Variants in CYFIP2 observed in about 807,000 individuals in gnomAD.
CYFIP2 encodes the protein cytoplasmic FMR1 interacting protein 2.
In CYFIP2, 29 loss-of-function variants were observed where a neutral mutation model predicts 158.7. The observed-to-expected ratio is 0.18, with a 90% CI of 0.14 to 0.25. CYFIP2 has a LOEUF of 0.25. Ranked by LOEUF, CYFIP2 falls within the 10% of genes least tolerant of loss-of-function variation. The pLI is 1.00. For synonymous variants in CYFIP2, 585 were observed against 617.6 expected (o/e 0.95, Z 0.78); for missense variants, 852 against 1,639.5 (o/e 0.52, Z 8.29).
At chr5:157,332,365 C>T (rs767662053) in intron 20 of CYFIP2, among the ~76,000 whole-genome samples, 4 of 152,222 alleles carry the variant, frequency 2.6e-5, no homozygotes, top group South Asian at 2.1e-4. Context: ...TTATACAGTG[C>T]GTATGTTTGT....
At chr5:157,304,175 G>A in intron 7 of CYFIP2, 63 bp from the exon 8 acceptor site, 2 of 1,554,046 alleles carry the variant, frequency 1.3e-6, no homozygotes, top group South Asian at 1.2e-5. Flanking sequence ...GGCTTCTGCA[G>A]GGGTGCAGGT....
At chr5:157,312,677 G>A (rs1475100790) in intron 11 of CYFIP2, among the ~76,000 whole-genome samples, 6 of 152,174 alleles carry the variant, frequency 3.9e-5, no homozygotes, top group East Asian at 3.9e-4. Flanking sequence ...ACAGAGCAAC[G>A]TACCTGAAAT....
At chr5:157,386,967 GTTCA>G (rs1766761609) in intron 28 of CYFIP2, among the ~76,000 whole-genome samples, 3 of 148,092 alleles carry the variant, frequency 2.0e-5, no homozygotes, top group Non-Finnish European at 4.5e-5. Flanking sequence ...CTTTAGAATT[GTTCA>G]TAATTGTGAG....
At chr5:157,328,197 G>T in intron 19 of CYFIP2, 148 bp downstream of exon 19, 1 of 724,890 alleles carries the variant, frequency 1.4e-6, no homozygotes, top group East Asian at 2.8e-5. Flanking sequence ...GAGATAGAGT[G>T]GAAAGGAAAC....
chr5:157,367,876 T>G (rs2113416042), intron 26 of CYFIP2, among the ~76,000 whole-genome samples: 1 of 151,042 alleles, frequency 6.6e-6, no homozygotes, highest in African/African-American at 2.4e-5. Flanking sequence ...TGCCTCAGCC[T>G]CCTAAGTAGC....
intron 1 of CYFIP2, among the ~76,000 whole-genome samples, chr5:157,278,202 A>G (rs1239415222): frequency 6.6e-6 from 1 of 151,938 alleles, no homozygotes; most frequent in Non-Finnish European, 1.5e-5. Flanking sequence ...ACATATGTGT[A>G]TATATATGTA....
At chr5:157,309,539 G>A (rs1331415514) in intron 9 of CYFIP2, among the ~76,000 whole-genome samples, 1 of 152,182 alleles carries the variant, frequency 6.6e-6, no homozygotes. Flanking sequence ...AGAACATAGA[G>A]TTGGTTGGAG....
chr5:157,279,516 C>T lies in CYFIP2; in HGVS notation c.-23-5823C>T, dbSNP rs146173957. Among the ~76,000 whole-genome samples, 1,268 of 152,354 alleles carry T rather than the reference C, an allele frequency of 8.3e-3. 22 individuals carry two copies. The highest frequency in any genetic ancestry group is 0.028 in the African/African-American group (1,184 of 41,574). On this transcript the variant is annotated intron_variant, in intron 1 of 30. Coordinates refer to ENST00000620254, the MANE Select transcript of CYFIP2 (RefSeq NM_001037333.3). ...CCCTGCATTTATGGGACCCACCCCC[C>T]TCTTGCTTGGGGTCTGTCAGTCATG...
chr5:157,389,073 G>T, intron 28 of CYFIP2, 116 bp from the exon 29 acceptor site: 1 of 987,136 alleles, frequency 1.0e-6, no homozygotes. Flanking sequence ...AACAAGACCA[G>T]TTCTGGTGAA....
At position 157,390,000 on chromosome 5, in the gene CYFIP2, G is replaced by A. The variant is rs1767111270; in HGVS notation, c.3447-521G>A. Among the ~76,000 whole-genome samples the A allele has an allele frequency of 2.0e-5, 3 of 152,158 alleles. No individual in the cohort carries two copies. In the South Asian group the frequency reaches 6.2e-4, roughly 32 times the overall value. On this transcript the variant is annotated intron_variant, in intron 29 of 30. Transcript: ENST00000620254. ...AGGTCTCTTGAGAGTTGGGGGCCAG[G>A]CCTCTTGAGAGTTGGAGCTTTGTCA...
At chr5:157,376,912 A>G (rs1202480910) in intron 26 of CYFIP2, 3 of 455,396 alleles carry the variant, frequency 6.6e-6, no homozygotes, top group Non-Finnish European at 1.3e-5. Context: ...TCAGAAATTT[A>G]CCTTGCCTGA....
chr5:157,273,231 G>C (rs1479598459), intron 1 of CYFIP2, among the ~76,000 whole-genome samples: 1 of 152,080 alleles, frequency 6.6e-6, no homozygotes, highest in Non-Finnish European at 1.5e-5. Context: ...GTCTTCTCAG[G>C]AAGTGCAGTG....
chr5:157,343,528 G>A (rs767226158), intron 23 of CYFIP2: 40 of 1,557,836 alleles, frequency 2.6e-5, no homozygotes, highest in Middle Eastern at 1.7e-4. Context: ...TCCCCACCTC[G>A]ATGTTCATCC....
chr5:157,307,356 T>C lies in CYFIP2; in HGVS notation c.796-405T>C, dbSNP rs544647756. On this transcript the variant is annotated intron_variant, in intron 8 of 30. Coordinates refer to ENST00000620254, the MANE Select transcript of CYFIP2 (RefSeq NM_001037333.3). ...CGGAAATATTGTCAACAGATCCTGT[T>C]CAGCTCCTGTCTCTGCTGCTTCGCT... Among the ~76,000 whole-genome samples, 113 of 152,316 alleles carry C rather than the reference T, an allele frequency of 7.4e-4. 3 individuals are homozygous for C. In the South Asian group the frequency reaches 0.023, roughly 30 times the overall value.
intron 26 of CYFIP2, chr5:157,376,051 A>T (rs532195272): frequency 6.6e-6 from 1 of 152,442 alleles, no homozygotes; most frequent in South Asian, 2.1e-4. Flanking sequence ...ACCTCATTTT[A>T]TCCCTGATTT....
intron 3 of CYFIP2, among the ~76,000 whole-genome samples, chr5:157,289,449 T>C (rs1757653719): frequency 6.6e-6 from 1 of 152,224 alleles, no homozygotes; most frequent in Non-Finnish European, 1.5e-5. Context: ...CAAAAATGTA[T>C]TTCCTCCCCG....
chr5:157,303,883 T>A (rs1257479576), intron 7 of CYFIP2, among the ~76,000 whole-genome samples: 1 of 151,636 alleles, frequency 6.6e-6, no homozygotes, highest in East Asian at 1.9e-4. Context: ...TGAGAAGACA[T>A]CCTAGATAAG....
At chr5:157,390,472 CCT>C in intron 29 of CYFIP2, 47 bp from the exon 30 acceptor site, 1 of 1,435,144 alleles carries the variant, frequency 7.0e-7, no homozygotes, top group Non-Finnish European at 9.5e-7. Flanking sequence ...CCCTCCCTGC[CCT>C]CCTCCCCCGA....
chr5:157,316,652 A>G (rs1760170707), intron 13 of CYFIP2, among the ~76,000 whole-genome samples: 1 of 152,198 alleles, frequency 6.6e-6, no homozygotes, highest in African/African-American at 2.4e-5. Flanking sequence ...AGAGACCTGG[A>G]TCCCAGCCCC....
Sources: allele counts gnomAD v4.1 joint callset (sites outside exome capture counted in the v4.1 genomes callset), GRCh38; gene constraint gnomAD v4.1.1; transcripts MANE v1.5; gene names NCBI Gene and HGNC (gene_info 2026-07-23, HGNC 2026-07-21).